The following RAPH1 variants were observed in gnomAD, a reference collection of about 807,000 sequenced individuals.
RAPH1 encodes the protein ras-associated and pleckstrin homology domains-containing protein 1.
A neutral mutation model predicts 88.1 loss-of-function variants in RAPH1; 18 were observed. The ratio of observed to expected loss-of-function variants is 0.20; its 90% CI spans 0.14 to 0.30. RAPH1 has a LOEUF of 0.30. RAPH1 is among the 10% of genes least tolerant of loss of function. RAPH1 has a pLI of 1.00. For missense variants in RAPH1, 1,448 were observed against 1,543.2 expected (o/e 0.94, Z 1.03); for synonymous variants, 587 against 559.0 (o/e 1.05, Z -0.71).
At chr2:203,514,856 A>G (rs997771208) in intron 1 of RAPH1, among the ~76,000 whole-genome samples, 1 of 152,070 alleles carries the variant, frequency 6.6e-6, no homozygotes, top group African/African-American at 2.4e-5. Context: ...ACCTGGCCAA[A>G]TTTGTTTTTC....
chr2:203,471,924 G>T (rs1350860189), intron 4 of RAPH1, among the ~76,000 whole-genome samples: 2 of 151,894 alleles, frequency 1.3e-5, no homozygotes, highest in African/African-American at 4.8e-5. Context: ...ACTATCCCTA[G>T]GTCCTCATTT....
At chr2:203,527,154 G>A (rs1163943046) in intron 1 of RAPH1, among the ~76,000 whole-genome samples, 5 of 152,172 alleles carry the variant, frequency 3.3e-5, no homozygotes, top group Non-Finnish European at 7.4e-5. Context: ...CAGGATGTAT[G>A]AGTGATGATT....
chr2:203,446,269 T>G (rs1447764523), intron 12 of RAPH1: 2 of 152,232 alleles, frequency 1.3e-5, no homozygotes, highest in Non-Finnish European at 2.9e-5. Flanking sequence ...CTGATGCTTT[T>G]TCTCTTGATT....
chr2:203,488,620 C>T (rs1243948186), intron 4 of RAPH1, among the ~76,000 whole-genome samples: 1 of 120,000 alleles, frequency 8.3e-6, no homozygotes, highest in African/African-American at 3.2e-5. Context: ...AAAAAAAAAC[C>T]TGTTTATGAA....
chr2:203,526,934 C>A (rs976795637), intron 1 of RAPH1, among the ~76,000 whole-genome samples: 1 of 151,850 alleles, frequency 6.6e-6, no homozygotes, highest in Non-Finnish European at 1.5e-5. Flanking sequence ...CAGGCACATG[C>A]CACCACACCC....
chr2:203,485,863 A>C (rs1687943797), intron 4 of RAPH1, among the ~76,000 whole-genome samples: 1 of 152,206 alleles, frequency 6.6e-6, no homozygotes. Flanking sequence ...AGCCACTCAC[A>C]AAACTATCTA....
chr2:203,491,466 A>G (rs949643284), intron 2 of RAPH1, 147 bp from the exon 3 acceptor site: 4 of 538,422 alleles, frequency 7.4e-6, no homozygotes, highest in African/African-American at 1.9e-5. Context: ...AAGGAAAAGT[A>G]TAATTGTATT....
Position 203,440,863 on chromosome 2 carries a change from T to G in RAPH1, c.2327A>C (p.Gln776Pro), listed in dbSNP as rs1008707189. Reference protein sequence around the residue: ...PPPIPAPLPPQAPPKPLVTIP... With the variant: ...PPPIPAPLPPPAPPKPLVTIP... ...GGTCACAAGGGGTTTTGGGGGAGCT[T>G]GGGGAGGGAGGGGTGCAGGGATAGG... is the stretch of plus-strand genomic sequence containing the variant. The change falls in exon 14 of 14, where the codon CAA becomes CCA. Residue 776 changes from glutamine to proline, a missense_variant. Physicochemically the swap from Gln to Pro is moderately conservative, Grantham distance 76. This residue lies in a region of RAPH1 where 935 missense variants were observed against 890.1 expected (regional missense o/e 1.05). Coordinates refer to ENST00000319170, the MANE Select transcript of RAPH1 (RefSeq NM_213589.3). 5 of 446,506 alleles carry G rather than the reference T, an allele frequency of 1.1e-5. No homozygotes were observed. Among genetic ancestry groups the G allele is most frequent in the African/African-American group, 8.5e-5 (1 of 11,724 alleles). The allele number at this position is 446,506 out of a possible 1,614,324, so 27.7% of individuals were successfully genotyped here. A position where few individuals can be genotyped will look rare whatever the true frequency, so the allele number is the denominator to read the frequency against.
At chr2:203,479,095 AAAAT>A (rs1215172351) in intron 4 of RAPH1, among the ~76,000 whole-genome samples, 2 of 152,244 alleles carry the variant, frequency 1.3e-5, no homozygotes, top group African/African-American at 2.4e-5. Flanking sequence ...TGATTCAGGA[AAAAT>A]AAATATAGAC....
chr2:203,483,588 A>G (rs1194656187), intron 4 of RAPH1, among the ~76,000 whole-genome samples: 1 of 152,206 alleles, frequency 6.6e-6, no homozygotes, highest in Admixed American at 6.5e-5. Context: ...TTTAGGTATC[A>G]ACTTCATTGG....
rs779455575 is a variant in RAPH1 at position 203,491,331 on chromosome 2, G to T, written c.121-12C>A. 2.6e-6 allele frequency: 4 copies of T among 1,559,800 alleles called. No homozygotes were observed. In the South Asian group the frequency reaches 4.6e-5, roughly 18 times the overall value. On this transcript the variant is annotated splice_polypyrimidine_tract_variant and intron_variant, in intron 2 of 13. Coordinates refer to ENST00000319170, the MANE Select transcript of RAPH1 (RefSeq NM_213589.3). Reference sequence around the variant, plus strand: ...TCAGAATCCAAACTCTTTATAAAAAGAAAGTTTAATAGTCATATTAAATTC... The same window carrying T: ...TCAGAATCCAAACTCTTTATAAAAATAAAGTTTAATAGTCATATTAAATTC...
chr2:203,535,258 G>GTGACTGACTGACTGACTGACTGAC lies in RAPH1; in HGVS notation c.-172_-149dup, dbSNP rs373101454. The GTGACTGACTGACTGACTGACTGAC allele has an allele frequency of 6.8e-6, 1 of 146,522 alleles. No individual in the cohort carries two copies. Among genetic ancestry groups the GTGACTGACTGACTGACTGACTGAC allele is most frequent in the African/African-American group, 2.5e-5 (1 of 40,004 alleles). The allele number at this position is 146,522 out of a possible 1,614,324, so 9.1% of individuals were successfully genotyped here. A position where few individuals can be genotyped will look rare whatever the true frequency, so the allele number is the denominator to read the frequency against. On this transcript the variant is annotated 5_prime_UTR_variant, in exon 1 of 14. Coordinates refer to ENST00000319170, the MANE Select transcript of RAPH1 (RefSeq NM_213589.3). ...CAGCAGCTCCCGCGCCGCGCGCTCA[G>GTGACTGACTGACTGACTGACTGAC]TGACTGACTGACTGACTGACTGACT...
intron 1 of RAPH1, among the ~76,000 whole-genome samples, chr2:203,505,862 C>G (rs192035314): frequency 1.3e-5 from 2 of 152,290 alleles, no homozygotes; most frequent in Non-Finnish European, 2.9e-5. Context: ...CACACACACA[C>G]GGCTGCTCCA....
rs1223111977 is a variant in RAPH1, at chr2:203,506,770, C to CTATA, written c.1-11421_1-11418dup. ...TATATATATATATCTATATATATAT[C>CTATA]TATATATATCTAGATATATATATCT... On this transcript the variant is annotated intron_variant, in intron 1 of 13. Coordinates refer to ENST00000319170, the MANE Select transcript of RAPH1 (RefSeq NM_213589.3). Among the ~76,000 whole-genome samples, 38 of 99,022 alleles carry CTATA rather than the reference C, an allele frequency of 3.8e-4. 3 individuals are homozygous for CTATA. The highest frequency in any genetic ancestry group is 1.6e-3 in the African/African-American group (32 of 19,830). The allele number at this position is 99,022 out of a possible 152,430, so 65.0% of individuals were successfully genotyped here.
chr2:203,488,581 C>T (rs1216231951), intron 4 of RAPH1, among the ~76,000 whole-genome samples: 3 of 98,468 alleles, frequency 3.0e-5, no homozygotes, highest in East Asian at 3.2e-4. Flanking sequence ...AATGAGACTC[C>T]GTCTATTAAA....
chr2:203,444,929 A>G lies in RAPH1; in HGVS notation c.1715T>C (p.Ile572Thr), dbSNP rs1455156952. The change falls in exon 13 of 14, where the codon ATT becomes ACT. Residue 572 changes from isoleucine (I) to threonine (T), a missense_variant. Physicochemically the swap from Ile to Thr is moderately conservative, Grantham distance 89. Around this residue, in one of 2 missense-constraint regions of RAPH1, gnomAD observed 935 missense variants for 890.1 expected, o/e 1.05. Transcript: ENST00000319170. ...QPAGHVRSQS[I>T]VSSVFSEAWK... ...GGCTTCAGAGAATACGGAGCTCACA[A>G]TGCTCTGGGAACGGACGTGTCCTGC... 11 of 1,614,174 alleles carry G rather than the reference A, an allele frequency of 6.8e-6. No individual in the cohort carries two copies. Among genetic ancestry groups the G allele is most frequent in the Non-Finnish European group, 8.5e-6 (10 of 1,179,990 alleles).
chr2:203,511,707 T>C (rs1689349173), intron 1 of RAPH1, among the ~76,000 whole-genome samples: 3 of 152,002 alleles, frequency 2.0e-5, no homozygotes, highest in Non-Finnish European at 1.5e-5. Context: ...ATTTCCCATG[T>C]CTTTGCTGTC....
rs376972851 is a variant in RAPH1 at position 203,438,207 on chromosome 2, G to C, written c.*1230C>G. The C allele has an allele frequency of 5.8e-6, 3 of 518,084 alleles. No homozygotes were observed. Among genetic ancestry groups the C allele is most frequent in the Non-Finnish European group, 1.2e-5 (3 of 259,648 alleles). 32.1% of individuals were successfully genotyped at this position (518,084 alleles called of 1,614,324 possible). A position where few individuals can be genotyped will look rare whatever the true frequency, so the allele number is the denominator to read the frequency against. Reference sequence around the variant, plus strand: ...CCTGGTAGCCCCAGTAGCTATAAATGAAACTGTCTTCCCTCTCCATGTAGT... The same window carrying C: ...CCTGGTAGCCCCAGTAGCTATAAATCAAACTGTCTTCCCTCTCCATGTAGT... On this transcript the variant is annotated 3_prime_UTR_variant, in exon 14 of 14. Coordinates refer to ENST00000319170, the MANE Select transcript of RAPH1 (RefSeq NM_213589.3).
At chr2:203,461,981 A>T in intron 4 of RAPH1, 56 bp from the exon 5 acceptor site, 1 of 1,431,614 alleles carries the variant, frequency 7.0e-7, no homozygotes. Context: ...ATATTTGAGA[A>T]ATCTTTTTTA....
Sources: gnomAD v4.1 joint callset for allele counts (sites outside exome capture counted in the v4.1 genomes callset) on GRCh38, gnomAD v4.1.1 for gene constraint, gnomAD v4.1.1 regional missense constraint, MANE v1.5 for transcripts, NCBI Gene and HGNC (gene_info 2026-07-23, HGNC 2026-07-21) for gene names.